Variants in JAK1 observed in about 807,000 individuals in gnomAD.
JAK1 encodes tyrosine-protein kinase JAK1.
In JAK1, 16 loss-of-function variants were observed where a neutral mutation model predicts 136.6. The ratio of observed to expected loss-of-function variants is 0.12; its 90% CI spans 0.08 to 0.18. The LOEUF (loss-of-function observed/expected upper bound fraction) is 0.18, where lower values mean the gene tolerates loss of function less well. Ranked by LOEUF, JAK1 falls within the 10% of genes least tolerant of loss-of-function variation. The pLI is 1.00. For synonymous variants in JAK1, 492 were observed against 519.5 expected (o/e 0.95, Z 0.72); for missense variants, 859 against 1,450.1 (o/e 0.59, Z 6.62).
Position 65,047,718 on chromosome 1 carries a change from C to CAA in JAK1, c.-180-3138_-180-3137dup, listed in dbSNP as rs775590448. 3.7e-3 allele frequency among the ~76,000 whole-genome samples: 476 copies of CAA among 128,206 alleles called. 3 individuals carry two copies. Among genetic ancestry groups the CAA allele is most frequent in the Middle Eastern group, 0.013 (3 of 238 alleles). The allele number at this position is 128,206 out of a possible 152,430, so 84.1% of individuals were successfully genotyped here. ...CGGGCAACAGAGCGAGACTTCATCT[C>CAA]AAAAAAAAAAAAAAGTCATACAGAT... On this transcript the variant is annotated intron_variant, in intron 1 of 25. Transcript: ENST00000671954.
At chr1:64,856,708 C>T (rs562432409) in intron 10 of JAK1, among the ~76,000 whole-genome samples, 2 of 152,188 alleles carry the variant, frequency 1.3e-5, no homozygotes, top group Non-Finnish European at 2.9e-5. Context: ...AGCCACGGAG[C>T]CCCGAGGCCC....
intron 2 of JAK1, among the ~76,000 whole-genome samples, chr1:65,041,129 T>C (rs1463566183): frequency 6.6e-6 from 1 of 152,052 alleles, no homozygotes; most frequent in Non-Finnish European, 1.5e-5. Context: ...GACCACAAAG[T>C]GCAGGGACAC....
In JAK1 at chr1:64,879,160, TA is replaced by T. The variant is rs771842565; in HGVS notation, c.206-13del. 6.2e-7 allele frequency: 1 copy of T among 1,612,902 alleles called. No individual in the cohort carries two copies. Among genetic ancestry groups the T allele is most frequent in the Admixed American group, 1.7e-5 (1 of 59,824 alleles). ...AAGAGGAGAGATACCTGAGGAAAAGTAAAAAAACACATCAGAAAATCAAGGC... is the reference window on the plus strand; with the variant it reads ...AAGAGGAGAGATACCTGAGGAAAAGTAAAAAACACATCAGAAAATCAAGGC... On this transcript the variant is annotated splice_polypyrimidine_tract_variant and intron_variant, in intron 3 of 24. Coordinates refer to ENST00000342505, the MANE Select transcript of JAK1 (RefSeq NM_002227.4).
intron 2 of JAK1, among the ~76,000 whole-genome samples, chr1:64,981,111 C>T (rs142813199): frequency 1.5e-3 from 224 of 152,206 alleles, no homozygotes; most frequent in Non-Finnish European, 2.4e-3. Flanking sequence ...AAAACAATGG[C>T]GATATTGTCT....
At chr1:64,894,962 AT>A (rs1460015659) in intron 1 of JAK1, among the ~76,000 whole-genome samples, 1 of 152,124 alleles carries the variant, frequency 6.6e-6, no homozygotes, top group Non-Finnish European at 1.5e-5. Flanking sequence ...TATCCATATA[AT>A]GAGTAATGCA....
chr1:65,001,158 T>A lies in JAK1; in HGVS notation c.-78+43322A>T, dbSNP rs374917395. On this transcript the variant is annotated intron_variant, in intron 2 of 25. Coordinates refer to the JAK1 transcript ENST00000671954. ...CCTCCCAAAAATGGAGTGGACAATT[T>A]CCAAGATCTCATCATGTTAGAAAAC... Among the ~76,000 whole-genome samples, 29 of 152,318 alleles carry A rather than the reference T, an allele frequency of 1.9e-4. 5 individuals are homozygous for A. The highest frequency in any genetic ancestry group is 3.3e-4 in the Admixed American group (5 of 15,302).
chr1:64,936,698 T>C (rs72675491), intron 1 of JAK1, among the ~76,000 whole-genome samples: 2 of 152,138 alleles, frequency 1.3e-5, no homozygotes, highest in Non-Finnish European at 2.9e-5. Context: ...AGGAAAACAC[T>C]AGGACCTACC....
intron 2 of JAK1, among the ~76,000 whole-genome samples, chr1:65,008,945 A>G (rs1416800310): frequency 2.6e-5 from 4 of 152,170 alleles, no homozygotes; most frequent in Admixed American, 2.0e-4. Flanking sequence ...CTTGGCCTCT[A>G]GAAGTGCTGG....
intron 1 of JAK1, among the ~76,000 whole-genome samples, chr1:64,960,276 G>T (rs1646259041): frequency 1.3e-5 from 2 of 152,178 alleles, no homozygotes. Flanking sequence ...AGCTCATGCT[G>T]GCATCACTTC....
intron 2 of JAK1, chr1:64,985,941 G>C (rs1272230391): frequency 1.1e-6 from 1 of 923,504 alleles, no homozygotes; most frequent in Non-Finnish European, 1.7e-6. Context: ...AGAGGGAGGG[G>C]TATTTGCCTT....
intron 1 of JAK1, among the ~76,000 whole-genome samples, chr1:64,964,950 C>A (rs1259096857): frequency 1.3e-5 from 2 of 152,042 alleles, no homozygotes; most frequent in Non-Finnish European, 2.9e-5. Flanking sequence ...TGAAAATAAT[C>A]CCCTGGTCTT....
chr1:64,854,015 G>A (rs1655766133), intron 11 of JAK1, among the ~76,000 whole-genome samples: 1 of 152,216 alleles, frequency 6.6e-6, no homozygotes, highest in Admixed American at 6.5e-5. Context: ...AGGTCTCACA[G>A]CCAAGTGGCA....
upstream of JAK1, among the ~76,000 whole-genome samples, chr1:64,968,980 C>T (rs939833784): frequency 2.1e-5 from 3 of 144,946 alleles, no homozygotes; most frequent in African/African-American, 7.7e-5. Context: ...CATGGTGGCA[C>T]ATGCCTGTAT....
intron 1 of JAK1, among the ~76,000 whole-genome samples, chr1:64,951,808 G>A (rs980196663): frequency 3.1e-4 from 47 of 152,046 alleles, no homozygotes; most frequent in African/African-American, 1.1e-3. Flanking sequence ...ACAGGCGCCC[G>A]CCACCACGCC....
chr1:65,017,433 A>G (rs531567050), intron 2 of JAK1, among the ~76,000 whole-genome samples: 8 of 152,048 alleles, frequency 5.3e-5, no homozygotes, highest in Non-Finnish European at 1.2e-4. Flanking sequence ...GCGCCACTGC[A>G]CTCCAGCCTG....
intron 1 of JAK1, among the ~76,000 whole-genome samples, chr1:64,887,384 A>C (rs1644867998): frequency 6.6e-6 from 1 of 152,216 alleles, no homozygotes; most frequent in African/African-American, 2.4e-5. Flanking sequence ...AATTATGTGA[A>C]TAAACACCCT....
At chr1:64,854,656 T>A (rs1008537725) in intron 11 of JAK1, among the ~76,000 whole-genome samples, 1 of 147,874 alleles carries the variant, frequency 6.8e-6, no homozygotes, top group Non-Finnish European at 1.5e-5. Flanking sequence ...TCAAGAGGCT[T>A]AACAAGAAAC....
chr1:65,011,004 G>T (rs1646844261), intron 2 of JAK1, among the ~76,000 whole-genome samples: 1 of 152,082 alleles, frequency 6.6e-6, no homozygotes, highest in Non-Finnish European at 1.5e-5. Flanking sequence ...AATAATAATA[G>T]ATATGTTTAT....
At chr1:64,857,151 T>C (rs1204813632) in intron 10 of JAK1, among the ~76,000 whole-genome samples, 2 of 152,178 alleles carry the variant, frequency 1.3e-5, no homozygotes, top group Non-Finnish European at 2.9e-5. Context: ...TCTCTATTCA[T>C]TGTTCTAAGA....
Sources: gnomAD v4.1 joint callset for allele counts (sites outside exome capture counted in the v4.1 genomes callset) on GRCh38, gnomAD v4.1.1 for gene constraint, MANE v1.5 for transcripts, NCBI Gene and HGNC (gene_info 2026-07-23, HGNC 2026-07-21) for gene names.